The following SLAIN2 variants were observed in gnomAD, a reference collection of about 807,000 sequenced individuals.
SLAIN2 encodes SLAIN motif-containing protein 2.
In SLAIN2, 31 loss-of-function variants were observed where a neutral mutation model predicts 56.6. The observed-to-expected ratio is 0.55, with a 90% CI of 0.41 to 0.74. The LOEUF is 0.74. SLAIN2 is among the 30% of genes least tolerant of loss of function. The probability of loss-of-function intolerance (pLI) is 0.00; values close to 1 mark genes in which losing one functional copy is unlikely to be tolerated. For missense variants in SLAIN2, 777 were observed against 754.2 expected (o/e 1.03, Z -0.35); for synonymous variants, 317 against 284.9 (o/e 1.11, Z -1.13).
At chr4:48,360,168 A>G (rs1248101401) in intron 1 of SLAIN2, among the ~76,000 whole-genome samples, 2 of 151,752 alleles carry the variant, frequency 1.3e-5, no homozygotes, top group South Asian at 2.1e-4. Context: ...AAAAAAAAAA[A>G]TAGTGGTTAG....
intron 2 of SLAIN2, among the ~76,000 whole-genome samples, chr4:48,374,227 T>G (rs527762895): frequency 6.6e-6 from 1 of 152,182 alleles, no homozygotes; most frequent in South Asian, 2.1e-4. Context: ...TGTTAAAGAT[T>G]GTGGACTTTA....
intron 6 of SLAIN2, among the ~76,000 whole-genome samples, chr4:48,384,750 G>A (rs1577724924): frequency 1.3e-5 from 2 of 152,240 alleles, no homozygotes; most frequent in South Asian, 4.1e-4. Flanking sequence ...TTTGTGGCAA[G>A]TAGTATGTTA....
chr4:48,396,310 T>A (rs1277326375), intron 6 of SLAIN2, among the ~76,000 whole-genome samples: 2 of 152,174 alleles, frequency 1.3e-5, no homozygotes, highest in African/African-American at 4.8e-5. Flanking sequence ...TTCTGTTTTG[T>A]TTAATCCCTT....
At chr4:48,363,736 A>T (rs1240271028) in intron 1 of SLAIN2, among the ~76,000 whole-genome samples, 4 of 64,810 alleles carry the variant, frequency 6.2e-5, no homozygotes, top group Non-Finnish European at 7.3e-5. Context: ...GCGGCTGGCC[A>T]GGCGGGGGGC....
At chr4:48,343,139 G>C (rs561457189) in intron 1 of SLAIN2, among the ~76,000 whole-genome samples, 1 of 152,288 alleles carries the variant, frequency 6.6e-6, no homozygotes, top group South Asian at 2.1e-4. Context: ...CATAGACTCT[G>C]GTATTGCAGG....
chr4:48,384,340 A>G (rs904528353), intron 6 of SLAIN2, among the ~76,000 whole-genome samples: 5 of 152,160 alleles, frequency 3.3e-5, no homozygotes, highest in African/African-American at 1.2e-4. Context: ...ATCTCATTTT[A>G]TTTCTGCATC....
At chr4:48,370,595 T>C (rs1176908199) in intron 2 of SLAIN2, among the ~76,000 whole-genome samples, 2 of 152,246 alleles carry the variant, frequency 1.3e-5, no homozygotes, top group African/African-American at 4.8e-5. Context: ...CATTTTAGGT[T>C]TAAATTGCTT....
At chr4:48,346,355 G>A (rs1410723897) in intron 1 of SLAIN2, among the ~76,000 whole-genome samples, 1 of 151,892 alleles carries the variant, frequency 6.6e-6, no homozygotes, top group East Asian at 1.9e-4. Context: ...GGAGTGGTAG[G>A]CCTAAGCCCA....
In SLAIN2 at chr4:48,378,004, C is replaced by G. The variant is rs1326206978; in HGVS notation, c.647C>G (p.Ser216Cys). The G allele has an allele frequency of 2.5e-6, 4 of 1,613,940 alleles. No individual in the cohort carries two copies. The highest frequency in any genetic ancestry group is 3.4e-6 in the Non-Finnish European group (4 of 1,179,864). ...SPYSSGFNSPSSTPVRPPIVK... is the reference protein window; with the variant it reads ...SPYSSGFNSPCSTPVRPPIVK... The stretch of plus-strand genomic sequence containing the variant: ...TACAGCAGTGGCTTCAATTCTCCAT[C>G]CTCAACCCCAGTGCGACCTCCTATA... Residue 216 changes from serine (S) to cysteine (C), a missense_variant, in exon 3 of 8, where the codon TCC becomes TGC. By Grantham distance (112) the Ser-to-Cys change is moderately radical (BLOSUM62 -1). Transcript: ENST00000264313.
chr4:48,407,236 T>C (rs1244388258), intron 6 of SLAIN2, among the ~76,000 whole-genome samples: 4 of 152,124 alleles, frequency 2.6e-5, no homozygotes, highest in Admixed American at 6.5e-5. Flanking sequence ...ACATTATGTA[T>C]TGTGTATATT....
At chr4:48,412,887 ACC>A (rs1442583157) in intron 6 of SLAIN2, among the ~76,000 whole-genome samples, 17 of 152,090 alleles carry the variant, frequency 1.1e-4, no homozygotes, top group Non-Finnish European at 2.5e-4. Flanking sequence ...TAGGATAGTA[ACC>A]CCACAAATAA....
rs377328013 is a variant in SLAIN2 at position 48,349,027 on chromosome 4, GT to G, written c.389+6906del. ...GCCCTTTGGCTTTTGATGTTCATCTGTTTTTTTCTCTTCCTCCTCTTACCAA... is the reference window on the plus strand; with the variant it reads ...GCCCTTTGGCTTTTGATGTTCATCTGTTTTTTCTCTTCCTCCTCTTACCAA... On this transcript the variant is annotated intron_variant, in intron 1 of 7. Coordinates refer to ENST00000264313, the MANE Select transcript of SLAIN2 (RefSeq NM_020846.2). Among the ~76,000 whole-genome samples the G allele has an allele frequency of 2.1e-4, 32 of 152,196 alleles. No homozygotes were observed. In the East Asian group the frequency reaches 5.4e-3, roughly 26 times the overall value.
intron 1 of SLAIN2, among the ~76,000 whole-genome samples, chr4:48,342,883 G>A (rs138563460): frequency 1.3e-5 from 2 of 152,060 alleles, no homozygotes; most frequent in African/African-American, 4.8e-5. Flanking sequence ...CAGAGAAAAA[G>A]AGTCCTATTT....
At position 48,376,744 on chromosome 4, in the gene SLAIN2, C is replaced by T. The variant is rs6842178; in HGVS notation, c.539-1152C>T. 2.4e-3 allele frequency among the ~76,000 whole-genome samples: 353 copies of T among 149,648 alleles called. 3 individuals are homozygous for T. Among genetic ancestry groups the T allele is most frequent in the African/African-American group, 8.3e-3 (339 of 40,894 alleles). On this transcript the variant is annotated intron_variant, in intron 2 of 7. Coordinates refer to ENST00000264313, the MANE Select transcript of SLAIN2 (RefSeq NM_020846.2). ...TCACGCCATTCTCCTGCCTCAGCCT[C>T]TCCGAGTAGCTGGGACTACAGGCGC...
intron 1 of SLAIN2, among the ~76,000 whole-genome samples, chr4:48,359,050 GT>G (rs936998431): frequency 2.0e-4 from 30 of 152,224 alleles, no homozygotes; most frequent in Admixed American, 1.4e-3. Flanking sequence ...TTTTATTAAA[GT>G]TTTTTTAATG....
intron 6 of SLAIN2, among the ~76,000 whole-genome samples, chr4:48,414,033 G>C (rs757295775): frequency 1.4e-4 from 21 of 152,070 alleles, no homozygotes; most frequent in African/African-American, 4.6e-4. Context: ...AATATTTTAA[G>C]ATACGAATTC....
chr4:48,380,589 T>C (rs1715944922), intron 4 of SLAIN2, among the ~76,000 whole-genome samples: 1 of 152,186 alleles, frequency 6.6e-6, no homozygotes, highest in South Asian at 2.1e-4. Context: ...TTTTTAATAC[T>C]TTTTAAAGGG....
intron 6 of SLAIN2, among the ~76,000 whole-genome samples, chr4:48,404,096 G>T (rs138443974): frequency 6.6e-6 from 1 of 151,986 alleles, no homozygotes; most frequent in Non-Finnish European, 1.5e-5. Context: ...CAAGCTGTTC[G>T]CCTAGTCAGT....
At chr4:48,343,410 C>T (rs1386491311) in intron 1 of SLAIN2, among the ~76,000 whole-genome samples, 1 of 152,202 alleles carries the variant, frequency 6.6e-6, no homozygotes, top group East Asian at 1.9e-4. Flanking sequence ...AGCCTAGTTA[C>T]TTAAATCAAG....
Sources: allele counts gnomAD v4.1 joint callset (sites outside exome capture counted in the v4.1 genomes callset), GRCh38; gene constraint gnomAD v4.1.1; transcripts MANE v1.5; gene names NCBI Gene and HGNC (gene_info 2026-07-23, HGNC 2026-07-21).